SHISA9: variants seen among roughly 807,000 people sequenced by gnomAD.
The protein encoded by SHISA9 is protein shisa-9.
A neutral mutation model predicts 38.0 loss-of-function variants in SHISA9; 13 were observed. The ratio of observed to expected loss-of-function variants is 0.34; its 90% CI spans 0.22 to 0.54. The LOEUF is 0.54. Among genes scored for constraint, SHISA9 ranks in the 20% least tolerant of loss-of-function variants. The pLI is 0.91. For missense variants in SHISA9, 538 were observed against 575.8 expected (o/e 0.93, Z 0.67); for synonymous variants, 275 against 242.0 (o/e 1.14, Z -1.27).
intron 2 of SHISA9, among the ~76,000 whole-genome samples, chr16:12,941,492 C>T (rs1408147673): frequency 6.6e-6 from 1 of 152,176 alleles, no homozygotes; most frequent in African/African-American, 2.4e-5. Flanking sequence ...TGGGGGTATC[C>T]ATCCCATCAA....
At chr16:12,970,333 A>ATATACATATATG (rs2072040064) in intron 2 of SHISA9, among the ~76,000 whole-genome samples, 4 of 79,448 alleles carry the variant, frequency 5.0e-5, no homozygotes, top group Non-Finnish European at 1.0e-4. Flanking sequence ...ATACATATAT[A>ATATACATATATG]TATATATATA....
chr16:13,025,953 G>A (rs1419795696), intron 2 of SHISA9, among the ~76,000 whole-genome samples: 1 of 151,930 alleles, frequency 6.6e-6, no homozygotes, highest in Non-Finnish European at 1.5e-5. Context: ...TTACAGGCAT[G>A]CACCACCATG....
At chr16:13,424,153 G>C in the SHISA9 span, among the ~76,000 whole-genome samples, 1,580 of 152,262 alleles carry the variant, frequency 0.01, 28 homozygotes, top group African/African-American at 0.036. Context: ...AATTGTGGAG[G>C]GTCTCTTAGA....
the SHISA9 span, among the ~76,000 whole-genome samples, chr16:13,459,280 G>T: frequency 6.6e-6 from 1 of 152,084 alleles, no homozygotes; most frequent in African/African-American, 2.4e-5. Flanking sequence ...TAGTGACAGA[G>T]GATTTTGACA....
rs2051016291 is a variant in SHISA9, at chr16:13,202,579, C to T, written c.692-815C>T. ...GCTTTCCTTTAAAGCTTCCTTTTTT[C>T]CCTTTAACAATATAAACCATAAGAA... On this transcript the variant is annotated intron_variant, in intron 2 of 4. Transcript: ENST00000558583. 2.5e-5 allele frequency among the ~76,000 whole-genome samples: 2 copies of T among 81,034 alleles called. 1 individual carries two copies. The allele number at this position is 81,034 out of a possible 152,430, so 53.2% of individuals were successfully genotyped here.
chr16:13,159,070 AAAC>A (rs1402425862), intron 2 of SHISA9, among the ~76,000 whole-genome samples: 3 of 151,692 alleles, frequency 2.0e-5, no homozygotes, highest in African/African-American at 7.3e-5. Flanking sequence ...AAAAAAAAAA[AAAC>A]AAAACCAAAA....
At chr16:13,335,525 C>T in the SHISA9 span, among the ~76,000 whole-genome samples, 1 of 152,154 alleles carries the variant, frequency 6.6e-6, no homozygotes, top group African/African-American at 2.4e-5. Flanking sequence ...TTAGAAGATG[C>T]AAAATTCTCT....
At chr16:13,392,824 A>G in the SHISA9 span, among the ~76,000 whole-genome samples, 10 of 152,356 alleles carry the variant, frequency 6.6e-5, no homozygotes, top group South Asian at 1.9e-3. Flanking sequence ...ACCAAGGAGC[A>G]CCAAAGACTG....
chr16:13,349,727 T>C, the SHISA9 span, among the ~76,000 whole-genome samples: 1 of 152,234 alleles, frequency 6.6e-6, no homozygotes, highest in Non-Finnish European at 1.5e-5. Context: ...AAATCAGTGA[T>C]GTGTCTTACA....
the SHISA9 span, among the ~76,000 whole-genome samples, chr16:13,548,519 G>A: frequency 6.6e-6 from 1 of 152,016 alleles, no homozygotes. Flanking sequence ...AGCAAAGTAA[G>A]TAAGTATTCT....
the SHISA9 span, among the ~76,000 whole-genome samples, chr16:13,481,808 CTA>C: frequency 6.6e-6 from 1 of 152,212 alleles, no homozygotes; most frequent in Non-Finnish European, 1.5e-5. Flanking sequence ...AAAATGGAAG[CTA>C]TCTTTCCCCC....
the SHISA9 span, among the ~76,000 whole-genome samples, chr16:13,293,024 C>G: frequency 5.9e-5 from 9 of 152,080 alleles, no homozygotes; most frequent in Non-Finnish European, 1.2e-4. Context: ...GCAAACAAAA[C>G]CCAGGTTTCC....
At chr16:13,166,128 C>T (rs1376550669) in intron 2 of SHISA9, among the ~76,000 whole-genome samples, 1 of 152,202 alleles carries the variant, frequency 6.6e-6, no homozygotes, top group Non-Finnish European at 1.5e-5. Flanking sequence ...GTTTTATTAA[C>T]TTCCATTTCA....
chr16:13,466,234 C>T, the SHISA9 span, among the ~76,000 whole-genome samples: 1 of 152,190 alleles, frequency 6.6e-6, no homozygotes, highest in African/African-American at 2.4e-5. Context: ...CCACTTGGGG[C>T]TTCTATGCTT....
At chr16:13,261,954 G>A in the SHISA9 span, among the ~76,000 whole-genome samples, 2 of 152,294 alleles carry the variant, frequency 1.3e-5, no homozygotes, top group African/African-American at 2.4e-5. Flanking sequence ...CTGCTGGCAG[G>A]TGTATCCTGC....
chr16:13,217,953 C>T lies in SHISA9; in HGVS notation c.895+4653C>T, dbSNP rs367986934. Reference sequence around the variant, plus strand: ...GCTGAGGCAAGAGAATGGCTTGAAACGTGGAGGCAGAGGCTGCAGTGAGCC... The same window carrying T: ...GCTGAGGCAAGAGAATGGCTTGAAATGTGGAGGCAGAGGCTGCAGTGAGCC... On this transcript the variant is annotated intron_variant, in intron 4 of 4. Transcript: ENST00000558583. Among the ~76,000 whole-genome samples, 35 of 135,122 alleles carry T rather than the reference C, an allele frequency of 2.6e-4. No homozygotes were observed. The East Asian group carries it at 3.6e-3, about 14-fold the overall frequency. The allele number at this position is 135,122 out of a possible 152,430, so 88.6% of individuals were successfully genotyped here. A position where few individuals can be genotyped will look rare whatever the true frequency, so the allele number is the denominator to read the frequency against.
chr16:13,106,988 C>A (rs867082482), intron 2 of SHISA9, among the ~76,000 whole-genome samples: 18 of 151,584 alleles, frequency 1.2e-4, no homozygotes, highest in African/African-American at 1.5e-4. Context: ...CTCTCTCTCT[C>A]TCTCTCTCTC....
Position 13,238,755 on chromosome 16 carries a change from A to T in SHISA9, c.*3346A>T, listed in dbSNP as rs2051408984. 1 of 151,424 alleles carries T rather than the reference A, an allele frequency of 6.6e-6. No homozygotes were observed. Among genetic ancestry groups the T allele is most frequent in the Non-Finnish European group, 1.5e-5 (1 of 67,932 alleles). 9.4% of individuals were successfully genotyped at this position (151,424 alleles called of 1,614,324 possible). ...GTTGGTTTTGGGAGATGAACTGAAG[A>T]GGGAAGTTTGGATAGGGAAGGTCTT... On this transcript the variant is annotated 3_prime_UTR_variant, in exon 5 of 5. Coordinates refer to ENST00000558583, the MANE Select transcript of SHISA9 (RefSeq NM_001145204.3).
chr16:13,180,683 G>A (rs150304049), intron 2 of SHISA9, among the ~76,000 whole-genome samples: 2,462 of 152,244 alleles, frequency 0.016, 72 homozygotes, highest in African/African-American at 0.057. Context: ...AGGTGACAGA[G>A]TGAGACCCTG....
Sources: allele counts gnomAD v4.1 joint callset (sites outside exome capture counted in the v4.1 genomes callset), GRCh38; gene constraint gnomAD v4.1.1; transcripts MANE v1.5; gene names NCBI Gene and HGNC (gene_info 2026-07-23, HGNC 2026-07-21).